CLSTN2: variants seen among roughly 807,000 people sequenced by gnomAD.
CLSTN2 encodes the protein calsyntenin-2.
Under a neutral mutation model 101.2 loss-of-function variants are expected in CLSTN2, and 48 were observed. The observed-to-expected ratio is 0.47, with a 90% CI of 0.38 to 0.60. CLSTN2 has a LOEUF of 0.60. Among genes scored for constraint, CLSTN2 ranks in the 20% least tolerant of loss-of-function variants. The pLI is 0.00. For missense variants in CLSTN2, 1,160 were observed against 1,238.2 expected, an observed-to-expected ratio of 0.94 and a Z score of 0.95; for synonymous variants, 481 against 463.6, an observed-to-expected ratio of 1.04 and a Z score of -0.48.
chr3:140,271,800 T>G (rs2086744510), intron 2 of CLSTN2, among the ~76,000 whole-genome samples: 1 of 152,212 alleles, frequency 6.6e-6, no homozygotes. Context: ...ACTCAACTAG[T>G]TTTAAAAACA....
chr3:140,485,284 A>G (rs985673654), intron 8 of CLSTN2, among the ~76,000 whole-genome samples: 2 of 152,208 alleles, frequency 1.3e-5, no homozygotes, highest in African/African-American at 4.8e-5. Context: ...ATTGGTGAAC[A>G]GCAAATGTTG....
At chr3:140,378,308 C>T (rs1286507534) in intron 2 of CLSTN2, among the ~76,000 whole-genome samples, 1 of 152,196 alleles carries the variant, frequency 6.6e-6, no homozygotes, top group Non-Finnish European at 1.5e-5. Flanking sequence ...GTAGTAGATG[C>T]TCAGTAAATA....
chr3:140,112,435 A>T (rs906126735), intron 1 of CLSTN2, among the ~76,000 whole-genome samples: 57 of 152,270 alleles, frequency 3.7e-4, no homozygotes, highest in African/African-American at 1.3e-3. Context: ...TGCATTTTTA[A>T]AGCCCATAAT....
At chr3:140,142,703 G>T (rs1409962770) in intron 1 of CLSTN2, among the ~76,000 whole-genome samples, 1 of 152,172 alleles carries the variant, frequency 6.6e-6, no homozygotes, top group East Asian at 1.9e-4. Context: ...CGGTGCTGTT[G>T]GGTCCTTTCG....
At chr3:139,937,110 G>A (rs1160377451) in intron 1 of CLSTN2, among the ~76,000 whole-genome samples, 5 of 151,224 alleles carry the variant, frequency 3.3e-5, no homozygotes, top group Non-Finnish European at 5.9e-5. Context: ...TTTGGGGGGT[G>A]GGGGGGAGGA....
chr3:139,946,861 T>C (rs916845444), intron 1 of CLSTN2, among the ~76,000 whole-genome samples: 3 of 152,248 alleles, frequency 2.0e-5, no homozygotes, highest in Non-Finnish European at 4.4e-5. Context: ...TGGAGATAAC[T>C]ATGCACCCAG....
chr3:139,967,644 TC>T (rs1270359737), intron 1 of CLSTN2, among the ~76,000 whole-genome samples: 2 of 152,224 alleles, frequency 1.3e-5, no homozygotes, highest in African/African-American at 4.8e-5. Context: ...CCTTTCTGTT[TC>T]CCCTCCTGTT....
At position 140,490,101 on chromosome 3, in the gene CLSTN2, TATATATATATATATATACACACAC is replaced by T. The variant is rs1559884914; in HGVS notation, c.1344+23372_1344+23395del. Reference sequence around the variant, plus strand: ...GTGTGTGTGTGTGTATATATATATATATATATATATATATATACACACACACACACACACACACACACACACACA... The same window carrying T: ...GTGTGTGTGTGTGTATATATATATATACACACACACACACACACACACACA... On this transcript the variant is annotated intron_variant, in intron 8 of 16. Coordinates refer to ENST00000458420, the MANE Select transcript of CLSTN2 (RefSeq NM_022131.3). Among the ~76,000 whole-genome samples, 20 of 8,582 alleles carry T rather than the reference TATATATATATATATATACACACAC, an allele frequency of 2.3e-3. 8 individuals are homozygous for T. The highest frequency in any genetic ancestry group is 0.11 in the Middle Eastern group (2 of 18). 5.6% of individuals were successfully genotyped at this position (8,582 alleles called of 152,430 possible). A position where few individuals can be genotyped will look rare whatever the true frequency, so the allele number is the denominator to read the frequency against.
At chr3:140,372,485 A>G (rs1447148724) in intron 2 of CLSTN2, among the ~76,000 whole-genome samples, 1 of 152,106 alleles carries the variant, frequency 6.6e-6, no homozygotes. Context: ...CTATTTCCAA[A>G]GCACTTTATT....
At chr3:140,042,922 A>T (rs1346489069) in intron 1 of CLSTN2, among the ~76,000 whole-genome samples, 1 of 152,168 alleles carries the variant, frequency 6.6e-6, no homozygotes, top group African/African-American at 2.4e-5. Context: ...CCAGTCTATC[A>T]CTGATGGACA....
intron 1 of CLSTN2, among the ~76,000 whole-genome samples, chr3:140,096,342 G>T (rs1422213061): frequency 6.6e-6 from 1 of 152,154 alleles, no homozygotes; most frequent in Non-Finnish European, 1.5e-5. Flanking sequence ...GCAGTGGAAG[G>T]TTTCCGATAA....
chr3:140,065,082 T>C (rs950991517), intron 1 of CLSTN2, among the ~76,000 whole-genome samples: 1 of 152,236 alleles, frequency 6.6e-6, no homozygotes, highest in Non-Finnish European at 1.5e-5. Flanking sequence ...AAATGATGAT[T>C]AATGAATTAT....
intron 1 of CLSTN2, among the ~76,000 whole-genome samples, chr3:140,050,377 G>A: frequency 6.6e-6 from 1 of 152,146 alleles, no homozygotes; most frequent in East Asian, 1.9e-4. Flanking sequence ...TACACACACG[G>A]CAATTTCACA....
chr3:140,388,139 G>A (rs1225201295), intron 2 of CLSTN2, among the ~76,000 whole-genome samples: 1 of 152,236 alleles, frequency 6.6e-6, no homozygotes, highest in Admixed American at 6.5e-5. Context: ...ACCCACTACA[G>A]GCTGTGTTGA....
intron 1 of CLSTN2, among the ~76,000 whole-genome samples, chr3:139,987,291 C>A (rs1277548757): frequency 6.6e-6 from 1 of 152,154 alleles, no homozygotes; most frequent in Non-Finnish European, 1.5e-5. Context: ...TGTTTATACC[C>A]CTGCATTCAG....
chr3:140,381,723 G>A (rs1198621891), intron 2 of CLSTN2, among the ~76,000 whole-genome samples: 7 of 152,218 alleles, frequency 4.6e-5, no homozygotes, highest in African/African-American at 1.2e-4. Context: ...GGACCTCCCA[G>A]GTGGATCAGC....
intron 2 of CLSTN2, among the ~76,000 whole-genome samples, chr3:140,223,403 C>G (rs544976230): frequency 5.9e-5 from 9 of 152,330 alleles, no homozygotes; most frequent in African/African-American, 2.2e-4. Context: ...AGCACCTGGA[C>G]CAGCCCCTTG....
chr3:140,297,938 T>A (rs921294834), intron 2 of CLSTN2, among the ~76,000 whole-genome samples: 4 of 152,236 alleles, frequency 2.6e-5, no homozygotes, highest in Admixed American at 2.6e-4. Context: ...TGTCATCTGA[T>A]GTAACCCCAA....
intron 2 of CLSTN2, among the ~76,000 whole-genome samples, chr3:140,373,025 G>C (rs919183927): frequency 1.3e-5 from 2 of 152,150 alleles, no homozygotes; most frequent in Middle Eastern, 3.2e-3. Context: ...AGCTGTGATT[G>C]AGCCATTGCA....
Sources: allele counts gnomAD v4.1 joint callset (sites outside exome capture counted in the v4.1 genomes callset), GRCh38; gene constraint gnomAD v4.1.1; transcripts MANE v1.5; gene names NCBI Gene and HGNC (gene_info 2026-07-23, HGNC 2026-07-21).